Variants in IRF5 observed in about 807,000 individuals in gnomAD.
IRF5 encodes the protein interferon regulatory factor 5.
IRF5 carries 24 observed loss-of-function variants against 55.1 expected under a neutral mutation model. The ratio of observed to expected loss-of-function variants is 0.44; its 90% CI spans 0.32 to 0.61. The LOEUF (loss-of-function observed/expected upper bound fraction) is 0.61. Among genes scored for constraint, IRF5 ranks in the 20% least tolerant of loss-of-function variants. IRF5 has a pLI of 0.07. For missense variants in IRF5, 499 were observed against 658.5 expected (o/e 0.76, Z 2.65); for synonymous variants, 258 against 260.2 (o/e 0.99, Z 0.08).
At chr7:128,937,224 A>G (rs1585283884), upstream of IRF5, among the ~76,000 whole-genome samples, 1 of 152,224 alleles carries the variant, frequency 6.6e-6, no homozygotes, top group Non-Finnish European at 1.5e-5. Context: ...TTGAAGAGCA[A>G]GAGTTACCAA....
At position 128,946,576 on chromosome 7, in the gene IRF5, G is replaced by C; in HGVS notation, c.447+14G>C. The C allele has an allele frequency of 6.4e-7, 1 of 1,560,166 alleles. No homozygotes were observed. The highest frequency in any genetic ancestry group is 8.8e-7 in the Non-Finnish European group (1 of 1,140,328). On this transcript the variant is annotated intron_variant, in intron 4 of 8. Transcript: ENST00000357234. The surrounding 1 kb of genome is among the most constrained non-coding windows in gnomAD (Gnocchi z 4.2). ...GAAGAGGAAGAGGTGAGTGTGGGTT[G>C]AGGAGGCAGGTGGAGCCCTGGACGA... is the stretch of plus-strand genomic sequence containing the variant.
At chr7:128,937,779 T>G (rs1255399802), upstream of IRF5, 1 of 151,890 alleles carries the variant, frequency 6.6e-6, no homozygotes, top group Admixed American at 6.6e-5. Context: ...CCGTCTGGCA[T>G]CTCCCTGGAG....
chr7:128,944,669 T>C (rs946058453), intron 2 of IRF5, among the ~76,000 whole-genome samples: 3 of 152,238 alleles, frequency 2.0e-5, no homozygotes, highest in Non-Finnish European at 4.4e-5. Flanking sequence ...TGTAAGCAAA[T>C]ATGGAACTAT....
chr7:128,945,854 A>C lies in IRF5; in HGVS notation c.205A>C (p.Lys69Gln). The C allele has an allele frequency of 6.2e-7, 1 of 1,610,438 alleles. No homozygotes were observed. Among genetic ancestry groups the C allele is most frequent in the Middle Eastern group, 1.7e-4 (1 of 6,032 alleles). The change falls in exon 3 of 9, where the codon AAG becomes CAG. Residue 69 changes from lysine (K) to glutamine (Q), a missense_variant. Physicochemically the swap from Lys to Gln is moderately conservative, Grantham distance 53. Around this residue, in one of 2 missense-constraint regions of IRF5, gnomAD observed 305 missense variants for 340.2 expected, o/e 0.90. Transcript: ENST00000357234. ...TTTCTTCCTGCCCCAGGCCTGGGCC[A>C]AGGAGACAGGGAAATACACCGAAGG... The part of the protein sequence containing the change: ...GDNTIFKAWA[K>Q]ETGKYTEGVD...
intron 2 of IRF5, among the ~76,000 whole-genome samples, chr7:128,943,446 A>G (rs1213979457): frequency 1.3e-5 from 2 of 149,286 alleles, no homozygotes; most frequent in East Asian, 3.9e-4. Flanking sequence ...GCAGTGGTGC[A>G]GTCATAGCAC....
chr7:128,942,024 A>G, intron 1 of IRF5, 47 bp from the exon 2 acceptor site: 3 of 1,465,208 alleles, frequency 2.0e-6, no homozygotes, highest in Non-Finnish European at 2.8e-6. Context: ...CCCTGTCCCC[A>G]TCCACCTGCA....
rs368258981 is a variant in IRF5 at position 128,947,432 on chromosome 7, G to A, written c.684G>A (p.Glu228=). Residue 228 remains glutamate (E), a synonymous_variant, in exon 6 of 9, where the codon GAG becomes GAA. Transcript: ENST00000357234. The surrounding 1 kb of genome is among the most constrained non-coding windows in gnomAD (Gnocchi z 6.5). ...PPPGNPAGFR[E]LLSEVLEPGP... ...CTGGCAACCCTGCTGGCTTCAGGGA[G>A]CTTCTCTCTGAGGTCCTGGAGCCTG... The A allele has an allele frequency of 2.3e-5, 37 of 1,611,714 alleles. No homozygotes were observed. The highest frequency in any genetic ancestry group is 3.1e-5 in the Non-Finnish European group (37 of 1,179,556).
chr7:128,943,391 T>G lies in IRF5; in HGVS notation c.195+1115T>G, dbSNP rs1164184698. The stretch of plus-strand genomic sequence containing the variant: ...CATATATACTCTTTTTTTTTTTTTT[T>G]GAGATGAGTTGTTGCTCTGTTGCCT... On this transcript the variant is annotated intron_variant, in intron 2 of 8. Coordinates refer to ENST00000357234, the MANE Select transcript of IRF5 (RefSeq NM_001098629.3). Among the ~76,000 whole-genome samples the G allele has an allele frequency of 8.0e-5, 12 of 149,846 alleles. 1 individual carries two copies. Among genetic ancestry groups the G allele is most frequent in the Admixed American group, 7.3e-4 (11 of 15,060 alleles).
intron 1 of IRF5, among the ~76,000 whole-genome samples, chr7:128,938,471 G>A (rs1228447160): frequency 6.6e-6 from 1 of 152,222 alleles, no homozygotes; most frequent in Non-Finnish European, 1.5e-5. Context: ...CCACAGAGGA[G>A]CGAGGCCCGA....
intron 1 of IRF5, 120 bp from the exon 2 acceptor site, chr7:128,941,951 C>T: frequency 1.5e-6 from 1 of 666,300 alleles, no homozygotes. Flanking sequence ...AGAGAATTGG[C>T]CTTAAATACC....
chr7:128,947,338 C>T lies in IRF5; in HGVS notation c.590C>T (p.Pro197Leu), dbSNP rs1284336147. ...PPTLRPPTLQ[P>L]PTLQPPVVLG... ...ACTCTGCGGCCGCCTACTCTGCAGC[C>T]GCCCACTCTGCAGCCGCCCGTGGTG... Residue 197 changes from proline (P) to leucine (L), a missense_variant, in exon 6 of 9, where the codon CCG (proline) becomes CTG (leucine). Physicochemically the swap from Pro to Leu is moderately conservative, Grantham distance 98. Coordinates refer to ENST00000357234, the MANE Select transcript of IRF5 (RefSeq NM_001098629.3). This position sits in a 1 kb window ranked among gnomAD's most constrained non-coding sequence, Gnocchi z 6.5. The T allele has an allele frequency of 2.2e-5, 25 of 1,120,646 alleles. No homozygotes were observed. The highest frequency in any genetic ancestry group is 8.5e-5 in the South Asian group (6 of 70,850). 69.4% of individuals were successfully genotyped at this position (1,120,646 alleles called of 1,614,324 possible). A position where few individuals can be genotyped will look rare whatever the true frequency, so the allele number is the denominator to read the frequency against.
At position 128,938,607 on chromosome 7, in the gene IRF5, T is replaced by C. The variant is rs569519379; in HGVS notation, c.-12+558T>C. On this transcript the variant is annotated intron_variant, in intron 1 of 8. Coordinates refer to ENST00000357234, the MANE Select transcript of IRF5 (RefSeq NM_001098629.3). The stretch of plus-strand genomic sequence containing the variant: ...CCAATGGCAGGAACTGTGCAAGAGT[T>C]TGGGGGAAGATGGTGTCAGGTAGAG... Among the ~76,000 whole-genome samples the C allele has an allele frequency of 3.9e-5, 6 of 152,304 alleles. No individual in the cohort carries two copies. In the South Asian group the frequency reaches 1.0e-3, roughly 26 times the overall value.
chr7:128,947,702 G>A lies in IRF5; in HGVS notation c.788-27G>A, dbSNP rs369092286. 39 of 1,569,036 alleles carry A rather than the reference G, an allele frequency of 2.5e-5. No homozygotes were observed. The Middle Eastern group carries it at 5.1e-4, about 21-fold the overall frequency. Reference sequence around the variant, plus strand: ...ATGGGGAGGCGTGGGGCTCAAGGACGGGATGGGCCTGCCTTCTGCCCCACA... The same window carrying A: ...ATGGGGAGGCGTGGGGCTCAAGGACAGGATGGGCCTGCCTTCTGCCCCACA... On this transcript the variant is annotated intron_variant, in intron 6 of 8. Coordinates refer to ENST00000357234, the MANE Select transcript of IRF5 (RefSeq NM_001098629.3). This position sits in a 1 kb window ranked among gnomAD's most constrained non-coding sequence, Gnocchi z 6.5.
In IRF5 at chr7:128,947,759, G is replaced by A. The variant is rs1796401397; in HGVS notation, c.818G>A (p.Arg273Gln). The A allele has an allele frequency of 1.9e-6, 3 of 1,611,158 alleles. No homozygotes were observed. Among genetic ancestry groups the A allele is most frequent in the Non-Finnish European group, 2.5e-6 (3 of 1,179,362 alleles). Residue 273 changes from arginine (R) to glutamine (Q), a missense_variant, in exon 7 of 9, where the codon CGG becomes CAG. By Grantham distance (43) the Arg-to-Gln change is conservative (BLOSUM62 1). This residue lies in a region of IRF5 where 194 missense variants were observed against 318.3 expected (regional missense o/e 0.61). Coordinates refer to ENST00000357234, the MANE Select transcript of IRF5 (RefSeq NM_001098629.3). This position sits in a 1 kb window ranked among gnomAD's most constrained non-coding sequence, Gnocchi z 6.5. ...LTDLEIKFQY[R>Q]GRPPRALTIS... is the part of the protein sequence containing the mutation. Reference sequence around the variant, plus strand: ...GACCTGGAGATCAAGTTTCAGTACCGGGGGCGGCCACCCCGGGCCCTCACC... The same window carrying A: ...GACCTGGAGATCAAGTTTCAGTACCAGGGGCGGCCACCCCGGGCCCTCACC...
chr7:128,938,928 G>C (rs1795876518), intron 1 of IRF5, among the ~76,000 whole-genome samples: 1 of 151,844 alleles, frequency 6.6e-6, no homozygotes, highest in Non-Finnish European at 1.5e-5. Context: ...GGCGAGGACC[G>C]GGGTGCTGCT....
chr7:128,946,726 C>G lies in IRF5; in HGVS notation c.447+164C>G. On this transcript the variant is annotated intron_variant, in intron 4 of 8. Coordinates refer to ENST00000357234, the MANE Select transcript of IRF5 (RefSeq NM_001098629.3). This position sits in a 1 kb window ranked among gnomAD's most constrained non-coding sequence, Gnocchi z 4.2. ...CTGAACGATAGGAGCACAGTCCCCA[C>G]CTGCTCCTTCCCAGGGCATTGTCAT... The G allele has an allele frequency of 3.1e-6, 2 of 642,128 alleles. No individual in the cohort carries two copies. Among genetic ancestry groups the G allele is most frequent in the South Asian group, 1.8e-5 (1 of 54,610 alleles). The allele number at this position is 642,128 out of a possible 1,614,324, so 39.8% of individuals were successfully genotyped here. A position where few individuals can be genotyped will look rare whatever the true frequency, so the allele number is the denominator to read the frequency against.
At chr7:128,938,932 T>A (rs1348414535) in intron 1 of IRF5, among the ~76,000 whole-genome samples, 3 of 150,334 alleles carry the variant, frequency 2.0e-5, no homozygotes, top group Admixed American at 6.6e-5. Flanking sequence ...AGGACCGGGG[T>A]GCTGCTCCTC....
At position 128,946,693 on chromosome 7, in the gene IRF5, C is replaced by G; in HGVS notation, c.447+131C>G. ...TCAATAGTTCTCCTTGTTTCTTCTC[C>G]TGGGATTCTGAACGATAGGAGCACA... On this transcript the variant is annotated intron_variant, in intron 4 of 8. Coordinates refer to ENST00000357234, the MANE Select transcript of IRF5 (RefSeq NM_001098629.3). This position sits in a 1 kb window ranked among gnomAD's most constrained non-coding sequence, Gnocchi z 4.2. 1 of 686,718 alleles carries G rather than the reference C, an allele frequency of 1.5e-6. No individual in the cohort carries two copies. Among genetic ancestry groups the G allele is most frequent in the Non-Finnish European group, 2.6e-6 (1 of 391,466 alleles). The allele number at this position is 686,718 out of a possible 1,614,324, so 42.5% of individuals were successfully genotyped here.
At position 128,946,565 on chromosome 7, in the gene IRF5, G is replaced by A; in HGVS notation, c.447+3G>A. On this transcript the variant is annotated splice_donor_region_variant and intron_variant, in intron 4 of 8. Coordinates refer to ENST00000357234, the MANE Select transcript of IRF5 (RefSeq NM_001098629.3). This position sits in a 1 kb window ranked among gnomAD's most constrained non-coding sequence, Gnocchi z 4.2. Reference sequence around the variant, plus strand: ...AGGAGGAGGAAGAAGAGGAAGAGGTGAGTGTGGGTTGAGGAGGCAGGTGGA... The same window carrying A: ...AGGAGGAGGAAGAAGAGGAAGAGGTAAGTGTGGGTTGAGGAGGCAGGTGGA... The A allele has an allele frequency of 1.3e-6, 2 of 1,591,700 alleles. No homozygotes were observed. Among genetic ancestry groups the A allele is most frequent in the Admixed American group, 1.7e-5 (1 of 58,112 alleles).
Sources: allele counts gnomAD v4.1 joint callset (sites outside exome capture counted in the v4.1 genomes callset), GRCh38; gene constraint gnomAD v4.1.1; regional missense constraint gnomAD v4.1.1; non-coding constraint Gnocchi (gnomAD v3.1); transcripts MANE v1.5; gene names NCBI Gene and HGNC (gene_info 2026-07-23, HGNC 2026-07-21).